The following DIDO1 variants were observed in gnomAD, a reference collection of about 807,000 sequenced individuals.
The protein encoded by DIDO1 is death inducer-obliterator 1.
Under a neutral mutation model 99.4 loss-of-function variants are expected in DIDO1, and 16 were observed. That is an observed-to-expected ratio of 0.16 (90% CI 0.11 to 0.24). The LOEUF (loss-of-function observed/expected upper bound fraction) is 0.24, where lower values mean the gene tolerates loss of function less well. DIDO1 is among the 10% of genes least tolerant of loss of function. DIDO1 has a pLI of 1.00. For missense variants in DIDO1, 2,996 were observed against 3,014.0 expected (o/e 0.99, Z 0.14); for synonymous variants, 1,366 against 1,239.1 (o/e 1.10, Z -2.15).
intron 1 of DIDO1, among the ~76,000 whole-genome samples, chr20:62,914,829 A>G (rs557594501): frequency 2.0e-5 from 3 of 152,396 alleles, no homozygotes; most frequent in Admixed American, 6.5e-5. Context: ...TCGAAATTAT[A>G]TAAGAATGTA....
chr20:62,881,819 C>T lies in DIDO1; in HGVS notation c.4137G>A (p.Glu1379=), dbSNP rs978620782. 5.6e-6 allele frequency: 9 copies of T among 1,613,420 alleles called. No individual in the cohort carries two copies. The highest frequency in any genetic ancestry group is 7.6e-6 in the Non-Finnish European group (9 of 1,180,038). The part of the protein sequence containing the change: ...QFSKDKALEE[E]EDDRPYDPEE... The stretch of plus-strand genomic sequence containing the variant: ...CAGGGTCGTATGGCCTGTCGTCCTC[C>T]TCTTCCTCTAGAGCCTTATCTTTTG... Residue 1379 remains glutamate (E), a synonymous_variant, in exon 16 of 16, where the codon GAG becomes GAA. Coordinates refer to ENST00000395343, the MANE Select transcript of DIDO1 (RefSeq NM_001193369.2). This position sits in a 1 kb window ranked among gnomAD's most constrained non-coding sequence, Gnocchi z 8.3.
At position 62,881,855 on chromosome 20, in the gene DIDO1, G is replaced by A. The variant is rs1260093734; in HGVS notation, c.4101C>T (p.Phe1367=). The A allele has an allele frequency of 1.2e-6, 2 of 1,613,388 alleles. No individual in the cohort carries two copies. The highest frequency in any genetic ancestry group is 1.7e-6 in the Non-Finnish European group (2 of 1,180,018). Residue 1367 remains phenylalanine, a synonymous_variant, in exon 16 of 16, where the codon TTC becomes TTT. Transcript: ENST00000395343. The surrounding 1 kb of genome is among the most constrained non-coding windows in gnomAD (Gnocchi z 8.3). ...PPLLDPIVQQ[F]GQFSKDKALE... is the part of the protein sequence containing the mutation. ...GAGCCTTATCTTTTGAGAACTGACC[G>A]AACTGCTGGACGATCGGATCTAACA... is the stretch of plus-strand genomic sequence containing the variant.
chr20:62,890,550 T>TA (rs1214573065), intron 15 of DIDO1: 2 of 1,014,604 alleles, frequency 2.0e-6, no homozygotes, highest in Non-Finnish European at 2.4e-6. Context: ...CCATCCCTGT[T>TA]AGAGAAGTGA....
chr20:62,908,330 C>T (rs921979323), intron 4 of DIDO1, among the ~76,000 whole-genome samples: 1 of 152,140 alleles, frequency 6.6e-6, no homozygotes, highest in African/African-American at 2.4e-5. Flanking sequence ...GGAAGGGAAT[C>T]CCCTGCCAAG....
At chr20:62,928,449 G>T (rs1332872227), upstream of DIDO1, among the ~76,000 whole-genome samples, 1 of 152,126 alleles carries the variant, frequency 6.6e-6, no homozygotes, top group Non-Finnish European at 1.5e-5. Context: ...CTCGGCTGTG[G>T]AGGCCTGGCC....
chr20:62,909,542 T>C (rs1241787673), intron 4 of DIDO1, among the ~76,000 whole-genome samples, 157 bp downstream of exon 4: 1 of 152,072 alleles, frequency 6.6e-6, no homozygotes, highest in East Asian at 1.9e-4. Flanking sequence ...AGAATAAAAA[T>C]AGAAAGGCCT....
rs1356187694 is a variant in DIDO1, at chr20:62,892,878, G to A, written c.3186C>T (p.Asn1062=). ...RLSTIWKGFI[N]MQSVAKFVTK... is the part of the protein sequence containing the mutation. ...TGACAAATTTTGCCACACTCTGCAT[G>A]TTAATAAATCCTTTCCAAATGGTGC... The change falls in exon 13 of 16, where the codon AAC becomes AAT. Residue 1062 remains asparagine, a synonymous_variant. Coordinates refer to ENST00000395343, the MANE Select transcript of DIDO1 (RefSeq NM_001193369.2). The A allele has an allele frequency of 1.2e-6, 2 of 1,614,166 alleles. No homozygotes were observed. Among genetic ancestry groups the A allele is most frequent in the Non-Finnish European group, 1.7e-6 (2 of 1,180,030 alleles).
At chr20:62,898,845 T>C (rs1555843823) in intron 6 of DIDO1, among the ~76,000 whole-genome samples, 1 of 152,190 alleles carries the variant, frequency 6.6e-6, no homozygotes, top group Non-Finnish European at 1.5e-5. Flanking sequence ...ACATGTACTA[T>C]GTCATCAGAT....
chr20:62,912,502 ATTT>A (rs1157604815), intron 2 of DIDO1, among the ~76,000 whole-genome samples: 2 of 147,674 alleles, frequency 1.4e-5, no homozygotes. Flanking sequence ...AGGCCAGTAT[ATTT>A]TTTTTTCTGT....
chr20:62,930,520 G>C (rs1237134863), upstream of DIDO1, among the ~76,000 whole-genome samples: 2 of 152,230 alleles, frequency 1.3e-5, no homozygotes, highest in Admixed American at 6.5e-5. Flanking sequence ...GGATGTGATG[G>C]AGCTACACGT....
rs1237641844 is a variant in DIDO1 at position 62,910,128 on chromosome 20, A to T, written c.840-108T>A. 9 of 1,168,212 alleles carry T rather than the reference A, an allele frequency of 7.7e-6. No individual in the cohort carries two copies. The African/African-American group carries it at 1.4e-4, about 18-fold the overall frequency. 72.4% of individuals were successfully genotyped at this position (1,168,212 alleles called of 1,614,324 possible). ...ACTTCATGAAAAAATGCAAATATAC[A>T]GAAAAGTAGAGATTAAGAACGTCCT... On this transcript the variant is annotated intron_variant, in intron 3 of 15. Transcript: ENST00000395343.
chr20:62,911,046 C>A lies in DIDO1; in HGVS notation c.567G>T (p.Arg189=), dbSNP rs1460190866. ...RPLKGIQSRL[R]KKRREEGPAE... ...CGGGACCCTCCTCCCGGCGCTTCTT[C>A]CGCAGGCGACTCTGGATCCCTTTCA... is the stretch of plus-strand genomic sequence containing the variant. The change falls in exon 3 of 16, where the codon CGG becomes CGT. Residue 189 remains arginine (R), a synonymous_variant. Transcript: ENST00000395343. The surrounding 1 kb of genome is among the most constrained non-coding windows in gnomAD (Gnocchi z 7.0). The A allele has an allele frequency of 1.2e-6, 2 of 1,613,770 alleles. No individual in the cohort carries two copies. Among genetic ancestry groups the A allele is most frequent in the Admixed American group, 3.3e-5 (2 of 60,034 alleles).
Position 62,905,513 on chromosome 20 carries a change from CAT to C in DIDO1, c.1588+372_1588+373del, listed in dbSNP as rs745870549. On this transcript the variant is annotated intron_variant, in intron 6 of 15. Coordinates refer to ENST00000395343, the MANE Select transcript of DIDO1 (RefSeq NM_001193369.2). ...ATACAGCGCTGTTGTCAGAACAACTCATGTGCAGACAGGGGTGGATGTGGCGT... is the reference window on the plus strand; with the variant it reads ...ATACAGCGCTGTTGTCAGAACAACTCGTGCAGACAGGGGTGGATGTGGCGT... The C allele has an allele frequency of 4.1e-5, 64 of 1,550,738 alleles. No individual in the cohort carries two copies. The Middle Eastern group carries it at 1.2e-3, about 28-fold the overall frequency.
At chr20:62,892,555 C>G (rs1005682945) in intron 13 of DIDO1, among the ~76,000 whole-genome samples, 1 of 152,220 alleles carries the variant, frequency 6.6e-6, no homozygotes, top group Non-Finnish European at 1.5e-5. Flanking sequence ...CCCAGCGAAA[C>G]CGATCACTGA....
At chr20:62,921,841 A>C (rs1329697475) in intron 1 of DIDO1, among the ~76,000 whole-genome samples, 1 of 151,094 alleles carries the variant, frequency 6.6e-6, no homozygotes, top group Admixed American at 6.6e-5. Flanking sequence ...TATACTATAT[A>C]TATCCACTAC....
At chr20:62,922,509 G>C (rs1233136113) in intron 1 of DIDO1, among the ~76,000 whole-genome samples, 1 of 152,120 alleles carries the variant, frequency 6.6e-6, no homozygotes, top group African/African-American at 2.4e-5. Context: ...GCGGGGGTGG[G>C]GGGGTACAGT....
chr20:62,917,566 C>T (rs1037815508), intron 1 of DIDO1, among the ~76,000 whole-genome samples: 2 of 152,306 alleles, frequency 1.3e-5, no homozygotes, highest in Non-Finnish European at 2.9e-5. Context: ...GGACAGACAG[C>T]GTTTCCGAGA....
chr20:62,933,768 G>A (rs140583754), intron 1 of DIDO1, among the ~76,000 whole-genome samples: 1 of 152,234 alleles, frequency 6.6e-6, no homozygotes, highest in East Asian at 1.9e-4. Flanking sequence ...CTACTCAAGA[G>A]GCTAACATGG....
At chr20:62,883,798 C>T (rs535770012) in intron 15 of DIDO1, among the ~76,000 whole-genome samples, 2 of 151,756 alleles carry the variant, frequency 1.3e-5, no homozygotes, top group East Asian at 3.9e-4. Flanking sequence ...TGCACTCCAG[C>T]CTGGGTGACA....
Sources: gnomAD v4.1 joint callset for allele counts (sites outside exome capture counted in the v4.1 genomes callset) on GRCh38, gnomAD v4.1.1 for gene constraint, Gnocchi (gnomAD v3.1) non-coding constraint, MANE v1.5 for transcripts, NCBI Gene and HGNC (gene_info 2026-07-23, HGNC 2026-07-21) for gene names.